Variants in NKAIN2 observed in about 807,000 individuals in gnomAD.
The protein encoded by NKAIN2 is sodium/potassium transporting ATPase interacting 2.
A neutral mutation model predicts 32.6 loss-of-function variants in NKAIN2; 14 were observed. The observed-to-expected ratio is 0.43, with a 90% confidence interval of 0.28 to 0.67. The LOEUF (loss-of-function observed/expected upper bound fraction) is 0.67, where lower values mean the gene tolerates loss of function less well. Ranked by LOEUF, NKAIN2 falls within the 30% of genes least tolerant of loss-of-function variation. The pLI, the probability that NKAIN2 is intolerant of heterozygous loss-of-function variation, is 0.17. For missense variants in NKAIN2, 198 were observed against 258.3 expected (o/e 0.77, Z 1.60); for synonymous variants, 80 against 87.2 (o/e 0.92, Z 0.46).
intron 2 of NKAIN2, among the ~76,000 whole-genome samples, chr6:124,304,337 T>C (rs1047720516): frequency 2.0e-5 from 3 of 152,228 alleles, no homozygotes; most frequent in Admixed American, 6.5e-5. Context: ...TTTTCAGTCA[T>C]ATAATTTGAC....
At chr6:123,990,175 A>AC (rs1779352649) in intron 1 of NKAIN2, among the ~76,000 whole-genome samples, 1 of 152,016 alleles carries the variant, frequency 6.6e-6, no homozygotes, top group Non-Finnish European at 1.5e-5. Flanking sequence ...GGGGGAAACC[A>AC]CCCCCGTGAT....
At chr6:123,907,039 A>G (rs1429541375) in intron 1 of NKAIN2, among the ~76,000 whole-genome samples, 1 of 152,206 alleles carries the variant, frequency 6.6e-6, no homozygotes, top group East Asian at 1.9e-4. Context: ...CTTCTGTTGT[A>G]TCTGATCTCC....
At chr6:124,480,702 C>T (rs972351017) in intron 3 of NKAIN2, among the ~76,000 whole-genome samples, 3 of 151,798 alleles carry the variant, frequency 2.0e-5, no homozygotes, top group African/African-American at 7.3e-5. Flanking sequence ...GAAAAAGTGG[C>T]TCTAGAGGTA....
intron 1 of NKAIN2, among the ~76,000 whole-genome samples, chr6:124,225,402 A>G (rs569751403): frequency 5.3e-5 from 8 of 152,110 alleles, no homozygotes; most frequent in Non-Finnish European, 1.0e-4. Flanking sequence ...CTTCTTTCCT[A>G]CTTGACCATA....
intron 5 of NKAIN2, among the ~76,000 whole-genome samples, chr6:124,798,782 A>C (rs1780123032): frequency 6.6e-6 from 1 of 152,150 alleles, no homozygotes; most frequent in Admixed American, 6.5e-5. Context: ...ACTTGCCCAA[A>C]GCCACTAGCT....
At chr6:124,678,279 A>G (rs923259229) in intron 4 of NKAIN2, among the ~76,000 whole-genome samples, 1 of 151,940 alleles carries the variant, frequency 6.6e-6, no homozygotes, top group South Asian at 2.1e-4. Flanking sequence ...TGGGGGCACT[A>G]TTTTTTCAAA....
intron 2 of NKAIN2, among the ~76,000 whole-genome samples, chr6:124,305,070 C>T (rs73773728): frequency 0.045 from 6,898 of 151,806 alleles, 535 homozygotes; most frequent in African/African-American, 0.16. Context: ...AAATTAGCTA[C>T]GAAAGAATGA....
chr6:124,413,886 A>G (rs768844408), intron 3 of NKAIN2, among the ~76,000 whole-genome samples: 16 of 152,156 alleles, frequency 1.1e-4, no homozygotes, highest in Non-Finnish European at 1.9e-4. Flanking sequence ...ATTGTAATTT[A>G]TGAACATACT....
At chr6:124,816,599 TAA>T (rs1781177512) in intron 5 of NKAIN2, among the ~76,000 whole-genome samples, 1 of 152,122 alleles carries the variant, frequency 6.6e-6, no homozygotes, top group Admixed American at 6.6e-5. Flanking sequence ...TCTAAAAAAA[TAA>T]AGTTTTTTTC....
chr6:124,268,166 G>C (rs1357678395), intron 1 of NKAIN2, among the ~76,000 whole-genome samples: 1 of 152,116 alleles, frequency 6.6e-6, no homozygotes, highest in Non-Finnish European at 1.5e-5. Flanking sequence ...CTAGTGATGA[G>C]AGCCAACACA....
chr6:124,058,160 T>A (rs1487208618), intron 1 of NKAIN2, among the ~76,000 whole-genome samples: 1 of 151,144 alleles, frequency 6.6e-6, no homozygotes, highest in Non-Finnish European at 1.5e-5. Context: ...GTTTAGTGAC[T>A]GTAGAAATTG....
intron 5 of NKAIN2, among the ~76,000 whole-genome samples, chr6:124,810,917 G>GA (rs112717446): frequency 0.019 from 2,135 of 113,406 alleles, 40 homozygotes; most frequent in East Asian, 0.081. Flanking sequence ...TCCTTATCAG[G>GA]AAAAAAAAAA....
intron 1 of NKAIN2, among the ~76,000 whole-genome samples, chr6:124,076,430 GACATAGATAATT>G (rs1206125567): frequency 6.6e-6 from 1 of 152,144 alleles, no homozygotes; most frequent in African/African-American, 2.4e-5. Flanking sequence ...TTTTTCTGGT[GACATAGATAATT>G]ACTGGATTGA....
At chr6:124,253,657 T>C (rs1414152297) in intron 1 of NKAIN2, among the ~76,000 whole-genome samples, 3 of 152,110 alleles carry the variant, frequency 2.0e-5, no homozygotes, top group Non-Finnish European at 2.9e-5. Context: ...TAAACCCTGA[T>C]AGCATTCATT....
intron 1 of NKAIN2, among the ~76,000 whole-genome samples, chr6:123,911,782 CATAT>C (rs376952328): frequency 0.038 from 3,966 of 105,518 alleles, 414 homozygotes; most frequent in African/African-American, 0.15. Flanking sequence ...TACATACATA[CATAT>C]ATATATATAT....
chr6:123,902,896 G>T (rs757448209), intron 1 of NKAIN2, among the ~76,000 whole-genome samples: 1 of 152,116 alleles, frequency 6.6e-6, no homozygotes, highest in Non-Finnish European at 1.5e-5. Flanking sequence ...CAATTACTTA[G>T]CAATTCACCA....
In NKAIN2 at chr6:124,809,136, A is replaced by G. The variant is rs970907386; in HGVS notation, c.536-9251A>G. Among the ~76,000 whole-genome samples, 8 of 152,314 alleles carry G rather than the reference A, an allele frequency of 5.3e-5. 1 individual carries two copies. Among genetic ancestry groups the G allele is most frequent in the African/African-American group, 1.9e-4 (8 of 41,548 alleles). The stretch of plus-strand genomic sequence containing the variant: ...TCACAGAATTGGAAAAAAATACTTT[A>G]AAGTTCACATGGAACCAAAAAAGAG... On this transcript the variant is annotated intron_variant, in intron 5 of 6. Transcript: ENST00000368417.
intron 1 of NKAIN2, among the ~76,000 whole-genome samples, chr6:124,127,041 T>C (rs1406758239): frequency 6.6e-6 from 1 of 152,186 alleles, no homozygotes; most frequent in Non-Finnish European, 1.5e-5. Context: ...GATATGTTTC[T>C]GAATTAGAAT....
intron 1 of NKAIN2, among the ~76,000 whole-genome samples, chr6:123,956,392 T>C (rs1156901950): frequency 6.6e-6 from 1 of 152,144 alleles, no homozygotes; most frequent in Admixed American, 6.5e-5. Context: ...CCTAACCCAA[T>C]AGGACTGGAG....
Sources: gnomAD v4.1 joint callset for allele counts (sites outside exome capture counted in the v4.1 genomes callset) on GRCh38, gnomAD v4.1.1 for gene constraint, MANE v1.5 for transcripts, NCBI Gene and HGNC (gene_info 2026-07-23, HGNC 2026-07-21) for gene names.